Variants in SETBP1 observed in about 807,000 individuals in gnomAD.
SETBP1 encodes SET binding protein 1.
A neutral mutation model predicts 101.0 loss-of-function variants in SETBP1; 9 were observed. The ratio of observed to expected loss-of-function variants is 0.09; its 90% CI spans 0.05 to 0.16. The LOEUF (loss-of-function observed/expected upper bound fraction) is 0.16, where lower values mean the gene tolerates loss of function less well. SETBP1 is among the 10% of genes least tolerant of loss of function. The pLI is 1.00. For synonymous variants in SETBP1, 818 were observed against 788.5 expected, an observed-to-expected ratio of 1.04 and a Z score of -0.63; for missense variants, 1,858 against 2,033.8, an observed-to-expected ratio of 0.91 and a Z score of 1.66.
chr18:45,058,178 G>C (rs1164682477), intron 5 of SETBP1, among the ~76,000 whole-genome samples: 1 of 152,164 alleles, frequency 6.6e-6, no homozygotes, highest in Non-Finnish European at 1.5e-5. Context: ...ACAAAGAGCA[G>C]GCAAGATATA....
chr18:45,054,308 C>T (rs1215063505), intron 5 of SETBP1, among the ~76,000 whole-genome samples: 1 of 152,096 alleles, frequency 6.6e-6, no homozygotes, highest in Non-Finnish European at 1.5e-5. Flanking sequence ...CTGCTTCAGC[C>T]TCCTGAGTAG....
chr18:44,728,684 C>T (rs1313703536), intron 2 of SETBP1, among the ~76,000 whole-genome samples: 3 of 152,112 alleles, frequency 2.0e-5, no homozygotes, highest in Non-Finnish European at 2.9e-5. Context: ...CTATTGGGGG[C>T]AGGGAGAGAA....
At chr18:44,891,407 A>C (rs2069766524) in intron 3 of SETBP1, among the ~76,000 whole-genome samples, 1 of 152,122 alleles carries the variant, frequency 6.6e-6, no homozygotes, top group East Asian at 1.9e-4. Context: ...AAACATTATT[A>C]AGTACCTATT....
chr18:44,823,574 C>T (rs769284204), intron 2 of SETBP1, among the ~76,000 whole-genome samples: 2 of 152,246 alleles, frequency 1.3e-5, no homozygotes, highest in Non-Finnish European at 2.9e-5. Context: ...GGGACTCCCA[C>T]ATACCGGGAG....
intron 3 of SETBP1, among the ~76,000 whole-genome samples, chr18:44,884,104 T>G (rs1267784126): frequency 6.6e-6 from 1 of 152,192 alleles, no homozygotes; most frequent in Non-Finnish European, 1.5e-5. Flanking sequence ...CTCTGGATAC[T>G]TTAAGTAGCA....
At chr18:44,986,142 TA>T (rs2072228044) in intron 4 of SETBP1, 1 of 152,214 alleles carries the variant, frequency 6.6e-6, no homozygotes, top group Non-Finnish European at 1.5e-5. Context: ...ACACCTAAGC[TA>T]TATGGTGTAG....
At chr18:44,945,569 G>A (rs2071187979) in intron 3 of SETBP1, among the ~76,000 whole-genome samples, 2 of 152,212 alleles carry the variant, frequency 1.3e-5, no homozygotes, top group African/African-American at 2.4e-5. Flanking sequence ...CTTGGGAATG[G>A]GGAGAGAGGT....
chr18:44,740,383 C>A (rs1308497277), intron 2 of SETBP1, among the ~76,000 whole-genome samples: 1 of 152,194 alleles, frequency 6.6e-6, no homozygotes, highest in Non-Finnish European at 1.5e-5. Context: ...AGGGCTGGCA[C>A]TCCTTAACAC....
chr18:44,749,716 A>G (rs1359498133), intron 2 of SETBP1, among the ~76,000 whole-genome samples: 3 of 152,236 alleles, frequency 2.0e-5, no homozygotes, highest in Non-Finnish European at 4.4e-5. Context: ...CATAAACTAC[A>G]AGACAGTTTC....
intron 4 of SETBP1, among the ~76,000 whole-genome samples, chr18:44,959,328 C>G (rs982911781): frequency 6.6e-6 from 1 of 152,196 alleles, no homozygotes; most frequent in Admixed American, 6.5e-5. Context: ...AGAAAACCAT[C>G]TCCTTACTCT....
chr18:44,966,061 A>G (rs1459177129), intron 4 of SETBP1, among the ~76,000 whole-genome samples: 1 of 152,228 alleles, frequency 6.6e-6, no homozygotes, highest in Non-Finnish European at 1.5e-5. Flanking sequence ...GCTCTAACTA[A>G]ATAAATACAT....
chr18:44,800,839 A>T (rs1286255715), intron 2 of SETBP1, among the ~76,000 whole-genome samples: 1 of 152,188 alleles, frequency 6.6e-6, no homozygotes, highest in African/African-American at 2.4e-5. Context: ...ACGTATGTTT[A>T]TTGCGGCACT....
intron 2 of SETBP1, among the ~76,000 whole-genome samples, chr18:44,795,020 A>G (rs2071446419): frequency 6.6e-6 from 1 of 152,282 alleles, no homozygotes; most frequent in East Asian, 1.9e-4. Flanking sequence ...TTTCAAGAAA[A>G]ATATGATTCC....
At chr18:44,684,276 G>T (rs964905721) in intron 1 of SETBP1, among the ~76,000 whole-genome samples, 3 of 152,202 alleles carry the variant, frequency 2.0e-5, no homozygotes, top group African/African-American at 7.2e-5. Context: ...TCTTCATGAA[G>T]TTGCACATAC....
chr18:44,913,631 A>G (rs2070363201), intron 3 of SETBP1, among the ~76,000 whole-genome samples: 1 of 152,182 alleles, frequency 6.6e-6, no homozygotes, highest in South Asian at 2.1e-4. Context: ...GTTTCCCTGC[A>G]CTCTAATGAG....
At chr18:44,958,509 T>C (rs2071541435) in intron 4 of SETBP1, among the ~76,000 whole-genome samples, 1 of 152,170 alleles carries the variant, frequency 6.6e-6, no homozygotes, top group Admixed American at 6.5e-5. Context: ...CAGCATTAAA[T>C]AAATCTTAAT....
At chr18:44,766,351 G>C (rs994130148) in intron 2 of SETBP1, among the ~76,000 whole-genome samples, 1 of 152,164 alleles carries the variant, frequency 6.6e-6, no homozygotes, top group Non-Finnish European at 1.5e-5. Context: ...TGATGATATG[G>C]AACATTATTT....
intron 4 of SETBP1, among the ~76,000 whole-genome samples, chr18:44,975,143 A>T (rs1309228930): frequency 6.6e-6 from 1 of 152,240 alleles, no homozygotes. Context: ...TTCCGTTTTA[A>T]TGTTCGCACT....
intron 2 of SETBP1, among the ~76,000 whole-genome samples, chr18:44,777,540 G>C (rs887219644): frequency 1.2e-4 from 18 of 152,090 alleles, no homozygotes; most frequent in Admixed American, 6.5e-5. Flanking sequence ...CCCCTCATCT[G>C]GTGGATAGAG....
Sources: allele counts gnomAD v4.1 joint callset (sites outside exome capture counted in the v4.1 genomes callset), GRCh38; gene constraint gnomAD v4.1.1; transcripts MANE v1.5; gene names NCBI Gene and HGNC (gene_info 2026-07-23, HGNC 2026-07-21).